CDR2: variants seen among roughly 807,000 people sequenced by gnomAD.
CDR2 encodes the protein cerebellar degeneration related protein 2.
In CDR2, 34 loss-of-function variants were observed where a neutral mutation model predicts 48.4. The ratio of observed to expected loss-of-function variants is 0.70; its 90% CI spans 0.53 to 0.94. The LOEUF (loss-of-function observed/expected upper bound fraction) is 0.94. CDR2 is among the 40% of genes least tolerant of loss of function. The pLI, the probability that CDR2 is intolerant of heterozygous loss-of-function variation, is 0.00. For missense variants in CDR2, 498 were observed against 549.5 expected (o/e 0.91, Z 0.94); for synonymous variants, 240 against 219.7 (o/e 1.09, Z -0.82).
At chr16:22,371,794 G>C (rs1258726360) in intron 1 of CDR2, among the ~76,000 whole-genome samples, 1 of 152,044 alleles carries the variant, frequency 6.6e-6, no homozygotes, top group Non-Finnish European at 1.5e-5. Flanking sequence ...CTGTGATAAC[G>C]TAACAGCCCT....
At position 22,374,400 on chromosome 16, in the gene CDR2, C is replaced by CT. The variant is rs2141858288; in HGVS notation, c.-92_-91insA. On this transcript the variant is annotated 5_prime_UTR_variant, in exon 1 of 5. Coordinates refer to ENST00000268383, the MANE Select transcript of CDR2 (RefSeq NM_001802.2). ...CTTCCCCGGCCCCTCCGCCCTCAGCCAGAGCCGCCCTCGGGCGGGACGCGC... is the reference window on the plus strand; with the variant it reads ...CTTCCCCGGCCCCTCCGCCCTCAGCCTAGAGCCGCCCTCGGGCGGGACGCGC... The CT allele has an allele frequency of 1.3e-6, 1 of 748,672 alleles. No individual in the cohort carries two copies. Among genetic ancestry groups the CT allele is most frequent in the East Asian group, 3.3e-5 (1 of 29,894 alleles). The allele number at this position is 748,672 out of a possible 1,614,324, so 46.4% of individuals were successfully genotyped here. A position where few individuals can be genotyped will look rare whatever the true frequency, so the allele number is the denominator to read the frequency against.
At chr16:22,373,117 G>A (rs2049089582) in intron 1 of CDR2, among the ~76,000 whole-genome samples, 1 of 152,140 alleles carries the variant, frequency 6.6e-6, no homozygotes, top group Admixed American at 6.5e-5. Context: ...TTGTGTTACT[G>A]GGAGAATTAA....
At chr16:22,372,583 G>C (rs1458828960) in intron 1 of CDR2, among the ~76,000 whole-genome samples, 1 of 152,214 alleles carries the variant, frequency 6.6e-6, no homozygotes, top group Non-Finnish European at 1.5e-5. Context: ...CAGTGGTACA[G>C]TGGTTGCCTC....
intron 2 of CDR2, among the ~76,000 whole-genome samples, chr16:22,355,837 T>G (rs1025496927): frequency 1.3e-5 from 2 of 152,212 alleles, no homozygotes; most frequent in African/African-American, 4.8e-5. Flanking sequence ...TCTGCTCAGC[T>G]CATTGAAACC....
chr16:22,364,816 G>A (rs2049034207), intron 2 of CDR2, 86 bp downstream of exon 2: 1 of 724,006 alleles, frequency 1.4e-6, no homozygotes, highest in African/African-American at 1.8e-5. Flanking sequence ...GCATCTAATT[G>A]CAAGTGCTTT....
At chr16:22,347,892 AT>A (rs901442215) in intron 4 of CDR2, 69 bp from the exon 5 acceptor site, 17 of 1,397,876 alleles carry the variant, frequency 1.2e-5, no homozygotes, top group Middle Eastern at 1.9e-4. Flanking sequence ...AAGACTGGTG[AT>A]TTTTTTTCAA....
intron 1 of CDR2, among the ~76,000 whole-genome samples, chr16:22,373,988 G>A (rs1454910537): frequency 6.6e-6 from 1 of 152,210 alleles, no homozygotes; most frequent in African/African-American, 2.4e-5. Context: ...TGCCTGGCTC[G>A]TCCCTGGCCC....
chr16:22,371,539 C>G, intron 1 of CDR2, among the ~76,000 whole-genome samples: 1 of 152,076 alleles, frequency 6.6e-6, no homozygotes, highest in East Asian at 1.9e-4. Context: ...GCCCCAGGGC[C>G]CAGGCGAATA....
chr16:22,355,565 G>A (rs2048969354), intron 2 of CDR2, among the ~76,000 whole-genome samples: 1 of 152,180 alleles, frequency 6.6e-6, no homozygotes, highest in Admixed American at 6.5e-5. Flanking sequence ...TTTGGACTGA[G>A]TCCCTGCCCT....
At chr16:22,365,909 C>T (rs2049042337) in intron 1 of CDR2, among the ~76,000 whole-genome samples, 2 of 152,116 alleles carry the variant, frequency 1.3e-5, no homozygotes, top group South Asian at 4.1e-4. Context: ...TATCATTTAC[C>T]AGAACACTTT....
rs751094741 is a variant in CDR2, at chr16:22,347,391, C to T, written c.939G>A (p.Thr313=). 1.9e-5 allele frequency: 30 copies of T among 1,614,084 alleles called. No individual in the cohort carries two copies. Among genetic ancestry groups the T allele is most frequent in the South Asian group, 1.5e-4 (14 of 91,082 alleles). ...CACTCCCTGCCAAGCTGCTGAGGAT[C>T]GTCTCACTGCTGCTGCGCTTGAGAG... The part of the protein sequence containing the change: ...RKPLKRSSSE[T]ILSSLAGSDI... The change falls in exon 5 of 5, where the codon ACG becomes ACA. Residue 313 remains threonine, a synonymous_variant. Transcript: ENST00000268383.
Position 22,374,342 on chromosome 16 carries a change from G to A in CDR2, c.-33C>T, listed in dbSNP as rs201942038. The A allele has an allele frequency of 4.0e-6, 6 of 1,492,264 alleles. No homozygotes were observed. The African/African-American group carries it at 4.3e-5, about 11-fold the overall frequency. 92.4% of individuals were successfully genotyped at this position (1,492,264 alleles called of 1,614,324 possible). A position where few individuals can be genotyped will look rare whatever the true frequency, so the allele number is the denominator to read the frequency against. On this transcript the variant is annotated 5_prime_UTR_variant, in exon 1 of 5. Coordinates refer to ENST00000268383, the MANE Select transcript of CDR2 (RefSeq NM_001802.2). ...GGGTCTTCTAGGGGCAGCGGCCCCCGCCGCCGTCCCGCCTCAGCCGCTGCC... is the reference window on the plus strand; with the variant it reads ...GGGTCTTCTAGGGGCAGCGGCCCCCACCGCCGTCCCGCCTCAGCCGCTGCC...
In CDR2 at chr16:22,347,286, T is replaced by C; in HGVS notation, c.1044A>G (p.Glu348=). The change falls in exon 5 of 5, where the codon GAA becomes GAG. Residue 348 remains glutamate (E), a synonymous_variant. Transcript: ENST00000268383. ...VKQRGISLLH[E]VDTQYSALKV... ...TCAGGGCGCTGTACTGCGTGTCCAC[T>C]TCGTGCAGAAGGGAGATGCCCCTCT... 2.5e-6 allele frequency: 4 copies of C among 1,614,230 alleles called. No homozygotes were observed. In the Admixed American group the frequency reaches 5.0e-5, roughly 20 times the overall value.
In CDR2 at chr16:22,374,412, C is replaced by T; in HGVS notation, c.-103G>A. ...CTCCGCCCTCAGCCAGAGCCGCCCT[C>T]GGGCGGGACGCGCCGCCGCCCAGAC... On this transcript the variant is annotated 5_prime_UTR_variant, in exon 1 of 5. Transcript: ENST00000268383. The T allele has an allele frequency of 1.7e-6, 1 of 579,722 alleles. No homozygotes were observed. Among genetic ancestry groups the T allele is most frequent in the Non-Finnish European group, 2.6e-6 (1 of 379,008 alleles). 35.9% of individuals were successfully genotyped at this position (579,722 alleles called of 1,614,324 possible).
chr16:22,349,171 A>T, intron 4 of CDR2, 108 bp downstream of exon 4: 1 of 1,163,806 alleles, frequency 8.6e-7, no homozygotes, highest in Non-Finnish European at 1.2e-6. Flanking sequence ...GTAGCTTAAT[A>T]GCTAAGTGAC....
In CDR2 at chr16:22,347,245, T is replaced by C. The variant is rs2048912061; in HGVS notation, c.1085A>G (p.Glu362Gly). 5.0e-6 allele frequency: 8 copies of C among 1,614,110 alleles called. No homozygotes were observed. Among genetic ancestry groups the C allele is most frequent in the African/African-American group, 1.3e-5 (1 of 74,946 alleles). ...QYSALKVKYEELLKKCQEEQD... is the reference protein window; with the variant it reads ...QYSALKVKYEGLLKKCQEEQD... ...TTCCTCTTGGCACTTCTTCAGCAACTCTTCATACTTCACCTTCAGGGCGCT... is the reference window on the plus strand; with the variant it reads ...TTCCTCTTGGCACTTCTTCAGCAACCCTTCATACTTCACCTTCAGGGCGCT... Residue 362 changes from glutamate (E) to glycine (G), a missense_variant, in exon 5 of 5, where the codon GAG (glutamate) becomes GGG (glycine). Physicochemically the swap from Glu to Gly is moderately conservative, Grantham distance 98. Transcript: ENST00000268383.
intron 1 of CDR2, among the ~76,000 whole-genome samples, chr16:22,365,712 A>G (rs901983532): frequency 6.6e-6 from 1 of 152,240 alleles, no homozygotes; most frequent in African/African-American, 2.4e-5. Context: ...TAATGCCCAT[A>G]AAACAGGATT....
intron 1 of CDR2, among the ~76,000 whole-genome samples, chr16:22,373,605 G>A (rs2049093594): frequency 6.6e-6 from 1 of 152,236 alleles, no homozygotes; most frequent in Non-Finnish European, 1.5e-5. Flanking sequence ...TACCTCAATG[G>A]ATAAATGCTG....
At chr16:22,369,891 A>T (rs751511797) in intron 1 of CDR2, among the ~76,000 whole-genome samples, 4 of 152,248 alleles carry the variant, frequency 2.6e-5, no homozygotes, top group Non-Finnish European at 4.4e-5. Context: ...ACACCTGTTC[A>T]TCTCTACAGG....
Sources: gnomAD v4.1 joint callset for allele counts (sites outside exome capture counted in the v4.1 genomes callset) on GRCh38, gnomAD v4.1.1 for gene constraint, MANE v1.5 for transcripts, NCBI Gene and HGNC (gene_info 2026-07-23, HGNC 2026-07-21) for gene names.